The following CFAP54 variants were observed in gnomAD, a reference collection of about 807,000 sequenced individuals.
CFAP54 encodes cilia- and flagella-associated protein 54.
In CFAP54, 290 loss-of-function variants were observed where a neutral mutation model predicts 370.4. The observed-to-expected ratio is 0.78, with a 90% CI of 0.71 to 0.86. The LOEUF (loss-of-function observed/expected upper bound fraction) is 0.86, where lower values mean the gene tolerates loss of function less well. Ranked by LOEUF, CFAP54 falls within the 40% of genes least tolerant of loss-of-function variation. The pLI is 0.00. For synonymous variants in CFAP54, 1,206 were observed against 1,236.5 expected (o/e 0.98, Z 0.52); for missense variants, 3,399 against 3,528.7 (o/e 0.96, Z 0.93).
rs752469177 is a variant in CFAP54, at chr12:96,720,516, C to T, written c.6916C>T (p.Arg2306Trp). 7.5e-6 allele frequency: 12 copies of T among 1,591,766 alleles called. No individual in the cohort carries two copies. Among genetic ancestry groups the T allele is most frequent in the Middle Eastern group, 1.7e-4 (1 of 5,818 alleles). ...CGAGCTGGAGATTGTGGTGGAGGCC[C>T]GGCTTCAGCTGGCTGCAGTTGCTCT... ...AGELEIVVEA[R>W]LQLAAVALQR... The change falls in exon 50 of 68, where the codon CGG (arginine) becomes TGG (tryptophan). Residue 2306 changes from arginine (R) to tryptophan (W), a missense_variant. Transcript: ENST00000524981.
chr12:96,508,287 CT>C (rs35129940), intron 4 of CFAP54, among the ~76,000 whole-genome samples: 109,615 of 118,102 alleles, frequency 0.93, 50,825 homozygotes, highest in East Asian at 0.99. Flanking sequence ...TCTCAATAAT[CT>C]TTTTTTTTTT....
At chr12:96,865,723 A>G (rs574766226) in intron 67 of CFAP54, among the ~76,000 whole-genome samples, 3 of 152,268 alleles carry the variant, frequency 2.0e-5, no homozygotes, top group Admixed American at 1.3e-4. Flanking sequence ...CAAGCTTTGT[A>G]TAGTTATTGG....
At chr12:96,776,194 C>A (rs1958517087) in intron 60 of CFAP54, among the ~76,000 whole-genome samples, 1 of 151,786 alleles carries the variant, frequency 6.6e-6, no homozygotes, top group Non-Finnish European at 1.5e-5. Context: ...AGAAAGTAAT[C>A]AATGATGTTA....
rs150551789 is a variant in CFAP54, at chr12:96,871,205, T to G, written c.*15-3913T>G. Among the ~76,000 whole-genome samples the G allele has an allele frequency of 2.6e-3, 402 of 152,270 alleles. 2 individuals carry two copies. The highest frequency in any genetic ancestry group is 4.3e-3 in the Non-Finnish European group (294 of 68,024). ...CAATGGAAAGTTATAGCTGAAAGGCTCAAAGAACAAAGCCTCAGAGATTTC... is the reference window on the plus strand; with the variant it reads ...CAATGGAAAGTTATAGCTGAAAGGCGCAAAGAACAAAGCCTCAGAGATTTC... On this transcript the variant is annotated intron_variant, in intron 67 of 67. Transcript: ENST00000524981.
chr12:96,721,858 G>A (rs371756749), intron 50 of CFAP54, among the ~76,000 whole-genome samples: 1 of 152,112 alleles, frequency 6.6e-6, no homozygotes, highest in South Asian at 2.1e-4. Context: ...AAATTACAGA[G>A]TGTGGGCAAA....
chr12:96,740,955 G>T (rs1462250460), intron 51 of CFAP54, among the ~76,000 whole-genome samples: 1 of 152,172 alleles, frequency 6.6e-6, no homozygotes, highest in Admixed American at 6.5e-5. Context: ...GCCCTAAATA[G>T]GTCAGTAGTG....
chr12:96,765,107 C>A lies in CFAP54; in HGVS notation c.8170C>A (p.Leu2724Ile). 1 of 1,489,762 alleles carries A rather than the reference C, an allele frequency of 6.7e-7. No homozygotes were observed. The highest frequency in any genetic ancestry group is 1.5e-5 in the South Asian group (1 of 67,458). 92.3% of individuals were successfully genotyped at this position (1,489,762 alleles called of 1,614,324 possible). A position where few individuals can be genotyped will look rare whatever the true frequency, so the allele number is the denominator to read the frequency against. ...VSEAVLAINL[L>I]IGKKNTRMHK... ...TGAAGCTGTGCTGGCAATTAACTTA[C>A]TTATTGGAAAGAAGAATACTAGAAT... Residue 2724 changes from leucine (L) to isoleucine (I), a missense_variant, in exon 60 of 68, where the codon CTT (leucine) becomes ATT (isoleucine). By Grantham distance (5) the Leu-to-Ile change is conservative. Around this residue, in one of 3 missense-constraint regions of CFAP54, gnomAD observed 2,796 missense variants for 2,869.7 expected, o/e 0.97. Coordinates refer to ENST00000524981, the MANE Select transcript of CFAP54 (RefSeq NM_001306084.2).
At chr12:96,503,733 C>G (rs1239664748) in intron 2 of CFAP54, among the ~76,000 whole-genome samples, 153 bp from the exon 3 acceptor site, 5 of 152,098 alleles carry the variant, frequency 3.3e-5, no homozygotes, top group Admixed American at 6.6e-5. Flanking sequence ...TGCAGTGTCT[C>G]TCACATACTA....
At chr12:96,724,117 A>G (rs552228019) in intron 50 of CFAP54, among the ~76,000 whole-genome samples, 8 of 151,342 alleles carry the variant, frequency 5.3e-5, no homozygotes, top group African/African-American at 1.9e-4. Context: ...GCTATTGTGA[A>G]TAGTGCCGCA....
intron 39 of CFAP54, among the ~76,000 whole-genome samples, chr12:96,666,815 T>C (rs919799179): frequency 1.3e-5 from 2 of 152,182 alleles, no homozygotes; most frequent in Non-Finnish European, 1.5e-5. Flanking sequence ...CAATCATGCC[T>C]TCCCAACAGT....
intron 66 of CFAP54, among the ~76,000 whole-genome samples, chr12:96,837,184 T>A (rs1959188867): frequency 1.3e-5 from 2 of 152,212 alleles, no homozygotes; most frequent in Admixed American, 1.3e-4. Context: ...GTTACTGAAA[T>A]AATTCTTATT....
chr12:96,822,593 G>T (rs905381495), intron 65 of CFAP54, among the ~76,000 whole-genome samples: 3 of 152,122 alleles, frequency 2.0e-5, no homozygotes, highest in Non-Finnish European at 4.4e-5. Flanking sequence ...CAATGTACGA[G>T]TATGGCCATA....
At chr12:96,870,398 C>T (rs747853519) in intron 67 of CFAP54, among the ~76,000 whole-genome samples, 47 of 152,164 alleles carry the variant, frequency 3.1e-4, no homozygotes, top group Non-Finnish European at 2.9e-4. Context: ...TGAATAGCAG[C>T]GTAGCATCAT....
intron 35 of CFAP54, among the ~76,000 whole-genome samples, chr12:96,651,305 A>C (rs1018568090): frequency 5.3e-5 from 8 of 152,224 alleles, no homozygotes; most frequent in African/African-American, 1.9e-4. Flanking sequence ...CTGAATTCCC[A>C]GCACCTAGAA....
intron 14 of CFAP54, among the ~76,000 whole-genome samples, chr12:96,546,648 G>A (rs1955643602): frequency 6.6e-6 from 1 of 152,122 alleles, no homozygotes; most frequent in South Asian, 2.1e-4. Flanking sequence ...GGCCAACATG[G>A]TGAAACCCTG....
chr12:96,820,027 C>T (rs1008708535), intron 65 of CFAP54, among the ~76,000 whole-genome samples: 2 of 152,114 alleles, frequency 1.3e-5, no homozygotes, highest in African/African-American at 2.4e-5. Context: ...TTTTGCATGC[C>T]TCCTACTTGC....
chr12:96,756,433 T>C, intron 56 of CFAP54, 25 bp from the exon 57 acceptor site: 1 of 1,392,776 alleles, frequency 7.2e-7, no homozygotes, highest in South Asian at 1.3e-5. Context: ...GGAAAAACCA[T>C]CTTTGTATCT....
chr12:96,755,158 T>C (rs923847141), intron 56 of CFAP54, among the ~76,000 whole-genome samples: 6 of 152,350 alleles, frequency 3.9e-5, no homozygotes, highest in South Asian at 2.1e-4. Flanking sequence ...TTTTAGGATT[T>C]ATTTTTTCTC....
At chr12:96,760,839 C>T (rs2136666096) in intron 58 of CFAP54, among the ~76,000 whole-genome samples, 1 of 151,866 alleles carries the variant, frequency 6.6e-6, no homozygotes, top group Non-Finnish European at 1.5e-5. Context: ...GGATATGCCA[C>T]TTTTTTTTTC....
Sources: gnomAD v4.1 joint callset for allele counts (sites outside exome capture counted in the v4.1 genomes callset) on GRCh38, gnomAD v4.1.1 for gene constraint, gnomAD v4.1.1 regional missense constraint, MANE v1.5 for transcripts, NCBI Gene and HGNC (gene_info 2026-07-23, HGNC 2026-07-21) for gene names.